Variants in RLIM observed in about 807,000 individuals in gnomAD.
RLIM encodes the protein ring finger protein, LIM domain interacting, also known as E3 ubiquitin-protein ligase RLIM.
Under a neutral mutation model 34.0 loss-of-function variants are expected in RLIM, and 2 were observed. That is an observed-to-expected ratio of 0.06 (90% confidence interval 0.02 to 0.19). RLIM has a LOEUF of 0.19. RLIM is among the 10% of genes least tolerant of loss of function. The probability of loss-of-function intolerance (pLI) is 1.00; values close to 1 mark genes in which losing one functional copy is unlikely to be tolerated. For synonymous variants in RLIM, 169 were observed against 164.0 expected (o/e 1.03, Z -0.23); for missense variants, 286 against 479.7 (o/e 0.60, Z 3.77).
chrX:74,592,449 G>A lies in RLIM; in HGVS notation c.866C>T (p.Ser289Phe), dbSNP rs1321588533. ...ELLSRGLFAA[S>F]GTRNASQGAG... is the part of the protein sequence containing the mutation. ...TCCTTGAGAAGCATTTCTTGTTCCA[G>A]AAGCTGCAAAAAGACCTCTACTTAG... is the stretch of plus-strand genomic sequence containing the variant. Residue 289 changes from serine to phenylalanine, a missense_variant, in exon 4 of 4, where the codon TCT becomes TTT. By Grantham distance (155) the Ser-to-Phe change is radical (BLOSUM62 -2). Transcript: ENST00000332687. The A allele has an allele frequency of 8.3e-7, 1 of 1,211,946 alleles. No individual in the cohort carries two copies. The highest frequency in any genetic ancestry group is 1.1e-6 in the Non-Finnish European group (1 of 895,627).
rs1411902037 is a variant in RLIM, at chrX:74,583,813, C to T, written c.*7627G>A. Among the ~76,000 whole-genome samples, 1 of 111,240 alleles carries T rather than the reference C, an allele frequency of 9.0e-6. No homozygotes were observed. The highest frequency in any genetic ancestry group is 1.9e-5 in the Non-Finnish European group (1 of 53,042). On this transcript the variant is annotated 3_prime_UTR_variant, in exon 4 of 4. Transcript: ENST00000332687. ...CTGTAATACCACCACTGTGGGAGGC[C>T]GAGACGGGCAGATCATGGGATCAGG...
At position 74,586,650 on chromosome X, in the gene RLIM, CACTT is replaced by C. The variant is rs1182385405; in HGVS notation, c.*4786_*4789del. ...CAAACTGGGGTTACATGAGATCACT[CACTT>C]GTTAGAGAAGTATCAGATAAATTTT... On this transcript the variant is annotated 3_prime_UTR_variant, in exon 4 of 4. Transcript: ENST00000332687. 8.9e-6 allele frequency: 1 copy of C among 112,170 alleles called. No individual in the cohort carries two copies. Among genetic ancestry groups the C allele is most frequent in the Non-Finnish European group, 1.9e-5 (1 of 53,267 alleles). 9.2% of individuals were successfully genotyped at this position (112,170 alleles called of 1,213,427 possible). A position where few individuals can be genotyped will look rare whatever the true frequency, so the allele number is the denominator to read the frequency against.
At chrX:74,606,478 G>C (rs1054438220) in intron 1 of RLIM, among the ~76,000 whole-genome samples, 2 of 111,733 alleles carry the variant, frequency 1.8e-5, no homozygotes, top group Admixed American at 9.5e-5. Flanking sequence ...ACTTCTTCTA[G>C]TCATTATTAT....
At chrX:74,596,571 T>C (rs754900392) in intron 1 of RLIM, among the ~76,000 whole-genome samples, 1 of 112,257 alleles carries the variant, frequency 8.9e-6, no homozygotes, top group African/African-American at 3.2e-5. Context: ...TTTATTCTCC[T>C]TGCAACCTAA....
Position 74,584,582 on chromosome X carries a change from T to TG in RLIM, c.*6857dup, listed in dbSNP as rs1418512420. ...TATCGAATCCTTTCTTCTAGGTATC[T>TG]GGGGGTTTTTTTGAGACAAGGTTTT... On this transcript the variant is annotated 3_prime_UTR_variant, in exon 4 of 4. Transcript: ENST00000332687. Among the ~76,000 whole-genome samples the TG allele has an allele frequency of 1.8e-5, 2 of 111,504 alleles. No homozygotes were observed. Among genetic ancestry groups the TG allele is most frequent in the Non-Finnish European group, 3.8e-5 (2 of 53,125 alleles).
rs2819593 is a variant in RLIM at position 74,612,078 on chromosome X, T to A, written c.-24+2344A>T. ...ATAAATTATGTGGTTACCCTAATGA[T>A]GATGATAATAATAATGAAAGGAGTC... On this transcript the variant is annotated intron_variant, in intron 1 of 3. Coordinates refer to ENST00000332687, the MANE Select transcript of RLIM (RefSeq NM_016120.4). 7.6e-3 allele frequency among the ~76,000 whole-genome samples: 847 copies of A among 111,664 alleles called. 12 individuals are homozygous for A. The highest frequency in any genetic ancestry group is 0.026 in the African/African-American group (810 of 30,740).
rs1391607653 is a variant in RLIM, at chrX:74,589,157, G to A, written c.*2283C>T. On this transcript the variant is annotated 3_prime_UTR_variant, in exon 4 of 4. Coordinates refer to ENST00000332687, the MANE Select transcript of RLIM (RefSeq NM_016120.4). ...ACAAATGAGTAAGTACGTCTTGGGA[G>A]ATTAGGAAGGTACCTGTTGTCAATA... 1.8e-5 allele frequency: 2 copies of A among 111,715 alleles called. No individual in the cohort carries two copies. The highest frequency in any genetic ancestry group is 1.9e-4 in the Admixed American group (2 of 10,449). 9.2% of individuals were successfully genotyped at this position (111,715 alleles called of 1,213,427 possible).
At chrX:74,598,265 A>C (rs1195204948) in intron 1 of RLIM, among the ~76,000 whole-genome samples, 3 of 111,648 alleles carry the variant, frequency 2.7e-5, no homozygotes, top group African/African-American at 9.8e-5. Flanking sequence ...TGTGCAACTG[A>C]GGAGCTTCCA....
intron 3 of RLIM, among the ~76,000 whole-genome samples, chrX:74,593,371 G>A (rs1222953405): frequency 8.9e-6 from 1 of 112,131 alleles, no homozygotes; most frequent in African/African-American, 3.2e-5. Flanking sequence ...GTCAGAAGAC[G>A]TTTTTTCAGT....
intron 1 of RLIM, among the ~76,000 whole-genome samples, chrX:74,603,752 A>G (rs1362757048): frequency 8.9e-6 from 1 of 111,951 alleles, no homozygotes; most frequent in Non-Finnish European, 1.9e-5. Context: ...AGCTGCACTA[A>G]GAGTAAAAAC....
chrX:74,612,961 G>A (rs1400066264), intron 1 of RLIM, among the ~76,000 whole-genome samples: 1 of 111,757 alleles, frequency 8.9e-6, no homozygotes, highest in East Asian at 2.8e-4. Context: ...CTAGCCTAAG[G>A]TAGGAACTAA....
chrX:74,594,272 G>C lies in RLIM; in HGVS notation c.253+34C>G, dbSNP rs766085195. On this transcript the variant is annotated intron_variant, in intron 3 of 3. Coordinates refer to ENST00000332687, the MANE Select transcript of RLIM (RefSeq NM_016120.4). ...ATTACAAAGTTCCTATCATCCCATCGTCTATCCACCTCCCCACCAAAACCA... is the reference window on the plus strand; with the variant it reads ...ATTACAAAGTTCCTATCATCCCATCCTCTATCCACCTCCCCACCAAAACCA... 2.9e-6 allele frequency: 3 copies of C among 1,035,481 alleles called. No homozygotes were observed. The Admixed American group carries it at 8.1e-5, about 28-fold the overall frequency. 85.3% of individuals were successfully genotyped at this position (1,035,481 alleles called of 1,213,427 possible). A position where few individuals can be genotyped will look rare whatever the true frequency, so the allele number is the denominator to read the frequency against.
intron 1 of RLIM, among the ~76,000 whole-genome samples, chrX:74,613,122 G>C (rs766213028): frequency 6.3e-5 from 7 of 110,906 alleles, no homozygotes; most frequent in Admixed American, 1.9e-4. Flanking sequence ...AAGTCATGGG[G>C]GGGGAGGGGT....
chrX:74,596,396 C>A (rs2079640351), intron 1 of RLIM, among the ~76,000 whole-genome samples: 1 of 111,785 alleles, frequency 8.9e-6, no homozygotes, highest in South Asian at 3.7e-4. Context: ...CAGGCACCTG[C>A]CACCACGCCC....
At chrX:74,603,285 C>G (rs954316971) in intron 1 of RLIM, among the ~76,000 whole-genome samples, 1 of 110,327 alleles carries the variant, frequency 9.1e-6, no homozygotes, top group Non-Finnish European at 1.9e-5. Flanking sequence ...CCCCAACATA[C>G]CTTGTGCTTT....
At chrX:74,606,817 T>C (rs1433981837) in intron 1 of RLIM, among the ~76,000 whole-genome samples, 1 of 111,601 alleles carries the variant, frequency 9.0e-6, no homozygotes, top group Non-Finnish European at 1.9e-5. Flanking sequence ...TAAAAACCAA[T>C]TTTAAAAAGT....
Position 74,595,859 on chromosome X carries a change from C to T in RLIM, c.119G>A (p.Ser40Asn). 1 of 1,207,371 alleles carries T rather than the reference C, an allele frequency of 8.3e-7. No homozygotes were observed. The highest frequency in any genetic ancestry group is 1.1e-6 in the Non-Finnish European group (1 of 892,200). Reference protein sequence around the residue: ...EAFYQFVNNLSEEDYRLMRDN... With the variant: ...EAFYQFVNNLNEEDYRLMRDN... The stretch of plus-strand genomic sequence containing the variant: ...TCTCATAAGCCTATAATCTTCTTCA[C>T]TCAGGTTATTTACAAATTGATAGAA... Residue 40 changes from serine (S) to asparagine (N), a missense_variant, in exon 2 of 4, where the codon AGT becomes AAT. Physicochemically the swap from Ser to Asn is conservative, Grantham distance 46 (BLOSUM62 1). This residue lies in a region of RLIM where 62 missense variants were observed against 71.3 expected (regional missense o/e 0.87). Transcript: ENST00000332687.
intron 1 of RLIM, among the ~76,000 whole-genome samples, chrX:74,601,746 C>T (rs1202337313): frequency 1.8e-5 from 2 of 111,602 alleles, no homozygotes; most frequent in Admixed American, 9.5e-5. Context: ...GATTTCTGCA[C>T]AGGATCTGAG....
Position 74,596,010 on chromosome X carries a change from G to A in RLIM, c.-23-10C>T, listed in dbSNP as rs1238086734. On this transcript the variant is annotated splice_polypyrimidine_tract_variant and intron_variant, in intron 1 of 3. Coordinates refer to ENST00000332687, the MANE Select transcript of RLIM (RefSeq NM_016120.4). ...AACAAGTGGAAAATACCTGAAAAGA[G>A]AAAAGAGACTAATCTTGAAAATAAA... The A allele has an allele frequency of 8.7e-6, 9 of 1,039,957 alleles. No individual in the cohort carries two copies. The highest frequency in any genetic ancestry group is 1.2e-5 in the Non-Finnish European group (9 of 772,840). 85.7% of individuals were successfully genotyped at this position (1,039,957 alleles called of 1,213,427 possible). A position where few individuals can be genotyped will look rare whatever the true frequency, so the allele number is the denominator to read the frequency against.
Sources: allele counts gnomAD v4.1 joint callset (sites outside exome capture counted in the v4.1 genomes callset), GRCh38; gene constraint gnomAD v4.1.1; regional missense constraint gnomAD v4.1.1; transcripts MANE v1.5; gene names NCBI Gene and HGNC (gene_info 2026-07-23, HGNC 2026-07-21).